DNER: variants seen among roughly 807,000 people sequenced by gnomAD.
The protein encoded by DNER is delta and Notch-like epidermal growth factor-related receptor.
DNER carries 33 observed loss-of-function variants against 78.2 expected under a neutral mutation model. The ratio of observed to expected loss-of-function variants is 0.42; its 90% CI spans 0.32 to 0.56. DNER has a LOEUF of 0.56. DNER is among the 20% of genes least tolerant of loss of function. DNER has a pLI of 0.11. For missense variants in DNER, 918 were observed against 975.3 expected (o/e 0.94, Z 0.78); for synonymous variants, 417 against 384.8 (o/e 1.08, Z -0.98).
intron 1 of DNER, among the ~76,000 whole-genome samples, chr2:229,637,335 A>G (rs1698546441): frequency 1.3e-5 from 2 of 152,228 alleles, no homozygotes; most frequent in Admixed American, 1.3e-4. Flanking sequence ...GTTTGATATT[A>G]AATATGCTTT....
intron 4 of DNER, among the ~76,000 whole-genome samples, chr2:229,551,633 T>TA (rs1031435851): frequency 3.3e-4 from 48 of 143,610 alleles, no homozygotes; most frequent in Non-Finnish European, 2.3e-4. Flanking sequence ...AAACCCCGTT[T>TA]AAAAAAAAAC....
intron 6 of DNER, among the ~76,000 whole-genome samples, chr2:229,480,511 C>T (rs758057243): frequency 6.6e-6 from 1 of 152,168 alleles, no homozygotes; most frequent in Non-Finnish European, 1.5e-5. Flanking sequence ...TATTCCCATG[C>T]ACTTAATTCT....
chr2:229,370,572 T>A (rs1692459248), intron 11 of DNER, among the ~76,000 whole-genome samples: 1 of 152,196 alleles, frequency 6.6e-6, no homozygotes, highest in Non-Finnish European at 1.5e-5. Flanking sequence ...TCTGCAGCCA[T>A]CTCATTTGGC....
At chr2:229,637,371 T>C (rs1288481601) in intron 1 of DNER, among the ~76,000 whole-genome samples, 1 of 152,224 alleles carries the variant, frequency 6.6e-6, no homozygotes, top group East Asian at 1.9e-4. Context: ...TCCATAGTGG[T>C]GTGCTGAAGT....
At chr2:229,401,002 A>C (rs1221137242) in intron 10 of DNER, among the ~76,000 whole-genome samples, 1 of 152,128 alleles carries the variant, frequency 6.6e-6, no homozygotes, top group Non-Finnish European at 1.5e-5. Context: ...TGATAGGATT[A>C]GAAAATGGAC....
chr2:229,550,716 A>G (rs1696718332), intron 4 of DNER, among the ~76,000 whole-genome samples: 1 of 152,188 alleles, frequency 6.6e-6, no homozygotes. Flanking sequence ...CGGAGGTTGC[A>G]GTGAGCCGAG....
At chr2:229,631,211 A>G (rs147698554) in intron 1 of DNER, among the ~76,000 whole-genome samples, 90 of 151,886 alleles carry the variant, frequency 5.9e-4, no homozygotes, top group African/African-American at 2.1e-3. Context: ...ACCTTATTTT[A>G]TTTTCATACC....
chr2:229,377,904 A>G (rs1692643495), intron 11 of DNER, among the ~76,000 whole-genome samples: 1 of 152,212 alleles, frequency 6.6e-6, no homozygotes, highest in African/African-American at 2.4e-5. Context: ...TATGGCAAAA[A>G]TGACTTTCCT....
rs7562787 is a variant in DNER at position 229,708,054 on chromosome 2, A to G, written c.276+6094T>C. Among the ~76,000 whole-genome samples, 1,400 of 152,322 alleles carry G rather than the reference A, an allele frequency of 9.2e-3. 24 individuals carry two copies. Among genetic ancestry groups the G allele is most frequent in the African/African-American group, 0.032 (1,329 of 41,574 alleles). On this transcript the variant is annotated intron_variant, in intron 1 of 12. Coordinates refer to ENST00000341772, the MANE Select transcript of DNER (RefSeq NM_139072.4). Reference sequence around the variant, plus strand: ...ATTCTAACCCAGGCCTGACTCCCACATTTGGACTCTTTCCATTCTAAGTTC... The same window carrying G: ...ATTCTAACCCAGGCCTGACTCCCACGTTTGGACTCTTTCCATTCTAAGTTC...
chr2:229,604,700 T>C (rs1017926923), intron 1 of DNER, among the ~76,000 whole-genome samples: 1 of 152,182 alleles, frequency 6.6e-6, no homozygotes, highest in Non-Finnish European at 1.5e-5. Context: ...TAACCTTACT[T>C]GGAAACAGCT....
At chr2:229,530,124 A>AT (rs892439836) in intron 5 of DNER, among the ~76,000 whole-genome samples, 4 of 152,208 alleles carry the variant, frequency 2.6e-5, no homozygotes, top group African/African-American at 9.7e-5. Flanking sequence ...GCAAAAAAAA[A>AT]TTTTAAGTTT....
chr2:229,593,810 T>C (rs527664364), intron 1 of DNER, among the ~76,000 whole-genome samples: 2 of 152,370 alleles, frequency 1.3e-5, no homozygotes, highest in South Asian at 4.1e-4. Flanking sequence ...AAAGCCATGC[T>C]TCTGAAATCA....
At chr2:229,474,983 A>T (rs114553798) in intron 7 of DNER, among the ~76,000 whole-genome samples, 1 of 152,358 alleles carries the variant, frequency 6.6e-6, no homozygotes, top group African/African-American at 2.4e-5. Flanking sequence ...ACATTGTTCC[A>T]GAATGAAAAG....
chr2:229,478,884 T>C (rs1207541385), intron 6 of DNER, among the ~76,000 whole-genome samples: 1 of 152,080 alleles, frequency 6.6e-6, no homozygotes, highest in Non-Finnish European at 1.5e-5. Flanking sequence ...TGTGCCATGG[T>C]GGTTTGCTGC....
At position 229,709,059 on chromosome 2, in the gene DNER, C is replaced by T. The variant is rs558908638; in HGVS notation, c.276+5089G>A. On this transcript the variant is annotated intron_variant, in intron 1 of 12. Transcript: ENST00000341772. ...CAAAACATGTCATAACATAATTCATCCTAGTAGAGAGAAAAAGCTGTGTCT... is the reference window on the plus strand; with the variant it reads ...CAAAACATGTCATAACATAATTCATTCTAGTAGAGAGAAAAAGCTGTGTCT... Among the ~76,000 whole-genome samples, 8 of 152,190 alleles carry T rather than the reference C, an allele frequency of 5.3e-5. No homozygotes were observed. In the South Asian group the frequency reaches 1.7e-3, roughly 32 times the overall value.
At chr2:229,632,875 C>T (rs996738455) in intron 1 of DNER, among the ~76,000 whole-genome samples, 5 of 152,100 alleles carry the variant, frequency 3.3e-5, no homozygotes, top group African/African-American at 1.2e-4. Context: ...AGTGAGCAAA[C>T]ATGGGGAAAA....
intron 6 of DNER, among the ~76,000 whole-genome samples, chr2:229,479,725 A>C (rs76485138): frequency 1.4e-4 from 16 of 116,884 alleles, no homozygotes; most frequent in Admixed American, 4.2e-4. Flanking sequence ...AAAAAAAAAA[A>C]AAAAAACAAA....
At chr2:229,546,802 TAGAC>T (rs113820870) in intron 5 of DNER, 141 bp downstream of exon 5, 139,834 of 1,105,650 alleles carry the variant, frequency 0.13, 10,495 homozygotes, top group Middle Eastern at 0.21. Context: ...GATAGATAGA[TAGAC>T]AGACAGACAG....
intron 1 of DNER, among the ~76,000 whole-genome samples, chr2:229,658,411 T>C (rs931717424): frequency 1.3e-5 from 2 of 152,208 alleles, no homozygotes; most frequent in African/African-American, 4.8e-5. Flanking sequence ...TCAGGTACAC[T>C]GTTGCAAAAG....
Sources: allele counts gnomAD v4.1 joint callset (sites outside exome capture counted in the v4.1 genomes callset), GRCh38; gene constraint gnomAD v4.1.1; transcripts MANE v1.5; gene names NCBI Gene and HGNC (gene_info 2026-07-23, HGNC 2026-07-21).